Variants in SEZ6L observed in about 807,000 individuals in gnomAD.
SEZ6L encodes seizure related 6 homolog like.
Under a neutral mutation model 106.2 loss-of-function variants are expected in SEZ6L, and 37 were observed. The observed-to-expected ratio is 0.35, with a 90% confidence interval of 0.27 to 0.46. The LOEUF is 0.46. Among genes scored for constraint, SEZ6L ranks in the 20% least tolerant of loss-of-function variants. SEZ6L has a pLI of 1.00. For missense variants in SEZ6L, 1,172 were observed against 1,332.8 expected, an observed-to-expected ratio of 0.88 and a Z score of 1.88; for synonymous variants, 541 against 570.4, an observed-to-expected ratio of 0.95 and a Z score of 0.73.
At chr22:26,341,305 G>A (rs1013247827) in intron 10 of SEZ6L, among the ~76,000 whole-genome samples, 1 of 151,662 alleles carries the variant, frequency 6.6e-6, no homozygotes, top group African/African-American at 2.4e-5. Context: ...TTCAAGCTAA[G>A]CTCACACACT....
intron 1 of SEZ6L, among the ~76,000 whole-genome samples, chr22:26,181,273 GGAA>G (rs1939371163): frequency 1.3e-5 from 2 of 152,286 alleles, no homozygotes; most frequent in East Asian, 3.9e-4. Flanking sequence ...AATTTGCAGA[GGAA>G]GAAGGACAGA....
At chr22:26,343,703 T>G (rs1364684198) in intron 10 of SEZ6L, among the ~76,000 whole-genome samples, 1 of 152,178 alleles carries the variant, frequency 6.6e-6, no homozygotes, top group African/African-American at 2.4e-5. Context: ...AAGCTGATGC[T>G]GTGGGAGAGG....
chr22:26,291,604 A>G (rs190842013), intron 1 of SEZ6L, among the ~76,000 whole-genome samples: 10 of 152,260 alleles, frequency 6.6e-5, no homozygotes, highest in Admixed American at 6.5e-4. Context: ...TAAAATTAAA[A>G]TTTAAATTTA....
intron 13 of SEZ6L, among the ~76,000 whole-genome samples, chr22:26,369,038 A>C (rs1050102547): frequency 5.0e-4 from 76 of 151,888 alleles, no homozygotes; most frequent in African/African-American, 1.8e-3. Context: ...CAGATCTCCC[A>C]AAGCAAAATC....
At chr22:26,212,352 A>T (rs1311148157) in intron 1 of SEZ6L, among the ~76,000 whole-genome samples, 2 of 152,230 alleles carry the variant, frequency 1.3e-5, no homozygotes, top group South Asian at 4.1e-4. Flanking sequence ...TCATTGGAAT[A>T]AAAGATTCTA....
chr22:26,267,257 GGC>G (rs2080220252), intron 1 of SEZ6L, among the ~76,000 whole-genome samples: 1 of 152,146 alleles, frequency 6.6e-6, no homozygotes, highest in Non-Finnish European at 1.5e-5. Context: ...GTGCCTCAGT[GGC>G]TTTACTAATC....
intron 1 of SEZ6L, among the ~76,000 whole-genome samples, chr22:26,257,195 A>G (rs1329744981): frequency 6.6e-6 from 1 of 152,190 alleles, no homozygotes; most frequent in East Asian, 1.9e-4. Flanking sequence ...ATCCAGCCCA[A>G]ACTTCAATTG....
chr22:26,222,925 T>A (rs1341123251), intron 1 of SEZ6L, among the ~76,000 whole-genome samples: 1 of 151,880 alleles, frequency 6.6e-6, no homozygotes, highest in Non-Finnish European at 1.5e-5. Context: ...GCTACCGGCA[T>A]CTACTGTGTA....
chr22:26,372,367 G>A (rs1292434793), intron 13 of SEZ6L, among the ~76,000 whole-genome samples: 1 of 152,128 alleles, frequency 6.6e-6, no homozygotes, highest in African/African-American at 2.4e-5. Context: ...ACTCAACCAC[G>A]GTGCAACTCA....
chr22:26,208,181 C>T (rs939628436), intron 1 of SEZ6L, among the ~76,000 whole-genome samples: 4 of 152,100 alleles, frequency 2.6e-5, no homozygotes, highest in African/African-American at 9.7e-5. Context: ...TCCCAAAGTG[C>T]TGGGATTACA....
At chr22:26,362,282 G>T (rs2083661056) in intron 12 of SEZ6L, among the ~76,000 whole-genome samples, 1 of 152,220 alleles carries the variant, frequency 6.6e-6, no homozygotes, top group South Asian at 2.1e-4. Context: ...AATGCCAGGG[G>T]GCAAACTTCA....
rs555882972 is a variant in SEZ6L, at chr22:26,185,039, G to A, written c.94+15276G>A. Among the ~76,000 whole-genome samples the A allele has an allele frequency of 4.1e-4, 63 of 152,296 alleles. 1 individual carries two copies. In the South Asian group the frequency reaches 5.6e-3, roughly 14 times the overall value. On this transcript the variant is annotated intron_variant, in intron 1 of 16. Transcript: ENST00000248933. ...GCAGAGGCTGCAGGGAGCTGAGATC[G>A]CTCCACTGCACTCCAGCCTGAGCAA...
intron 14 of SEZ6L, among the ~76,000 whole-genome samples, chr22:26,374,953 G>A (rs1456074977): frequency 6.6e-6 from 1 of 152,120 alleles, no homozygotes; most frequent in Non-Finnish European, 1.5e-5. Context: ...GCAGGACAGA[G>A]AGCTGTCAGT....
chr22:26,288,807 G>A (rs1601391186), intron 1 of SEZ6L, among the ~76,000 whole-genome samples: 1 of 152,154 alleles, frequency 6.6e-6, no homozygotes, highest in African/African-American at 2.4e-5. Context: ...CTCCTTGTGT[G>A]CAGATGACAC....
chr22:26,254,004 G>C (rs2079712224), intron 1 of SEZ6L: 2 of 152,150 alleles, frequency 1.3e-5, no homozygotes, highest in Non-Finnish European at 2.9e-5. Context: ...AAAACTCATG[G>C]GAAATGTTCA....
chr22:26,221,906 C>T (rs1328201580), intron 1 of SEZ6L, among the ~76,000 whole-genome samples: 5 of 152,170 alleles, frequency 3.3e-5, no homozygotes, highest in Non-Finnish European at 7.4e-5. Flanking sequence ...CTAAGCCAGT[C>T]TTTTAGAAAG....
chr22:26,301,014 C>A (rs1251421514), intron 5 of SEZ6L, among the ~76,000 whole-genome samples: 1 of 152,126 alleles, frequency 6.6e-6, no homozygotes, highest in Non-Finnish European at 1.5e-5. Flanking sequence ...CTGAGTGTAA[C>A]TACTGCCATT....
At chr22:26,201,384 A>G (rs946785521) in intron 1 of SEZ6L, among the ~76,000 whole-genome samples, 3 of 139,776 alleles carry the variant, frequency 2.1e-5, no homozygotes, top group African/African-American at 8.0e-5. Flanking sequence ...CAAAAATACA[A>G]AAAAAAAAAA....
chr22:26,363,026 G>A (rs1044170621), intron 12 of SEZ6L, among the ~76,000 whole-genome samples: 7 of 152,192 alleles, frequency 4.6e-5, no homozygotes, highest in Non-Finnish European at 1.0e-4. Context: ...CAAGTACCAC[G>A]TGAAAGACAA....
Sources: gnomAD v4.1 joint callset for allele counts (sites outside exome capture counted in the v4.1 genomes callset) on GRCh38, gnomAD v4.1.1 for gene constraint, MANE v1.5 for transcripts, NCBI Gene and HGNC (gene_info 2026-07-23, HGNC 2026-07-21) for gene names.